CADPS: variants seen among roughly 807,000 people sequenced by gnomAD.
The protein encoded by CADPS is calcium-dependent secretion activator 1.
A neutral mutation model predicts 167.3 loss-of-function variants in CADPS; 57 were observed. The observed-to-expected ratio is 0.34, with a 90% confidence interval of 0.28 to 0.42. The LOEUF is 0.42. Ranked by LOEUF, CADPS falls within the 20% of genes least tolerant of loss-of-function variation. CADPS has a pLI of 1.00. For synonymous variants in CADPS, 676 were observed against 635.3 expected (o/e 1.06, Z -0.96); for missense variants, 1,414 against 1,738.1 (o/e 0.81, Z 3.32).
intron 17 of CADPS, chr3:62,500,349 T>C (rs1339288416): frequency 6.6e-6 from 1 of 152,068 alleles, no homozygotes; most frequent in Non-Finnish European, 1.5e-5. Flanking sequence ...AGAGACAGAG[T>C]TTCACCTTGC....
Position 62,744,481 on chromosome 3 carries a change from G to A in CADPS, c.888+8960C>T, listed in dbSNP as rs535545257. Among the ~76,000 whole-genome samples, 185 of 152,270 alleles carry A rather than the reference G, an allele frequency of 1.2e-3. 1 individual carries two copies. The highest frequency in any genetic ancestry group is 4.3e-3 in the African/African-American group (179 of 41,568). ...CACTGAGGAAACAAAAAGGCTGCAT[G>A]TTGGAAGAAGAAAAATTCAAATTAT... On this transcript the variant is annotated intron_variant, in intron 3 of 29. Transcript: ENST00000383710.
At chr3:62,476,301 T>C (rs2061320981) in intron 23 of CADPS, among the ~76,000 whole-genome samples, 1 of 152,194 alleles carries the variant, frequency 6.6e-6, no homozygotes, top group South Asian at 2.1e-4. Flanking sequence ...GCTCTTCTAA[T>C]GTAGATTCTA....
At chr3:62,825,250 T>C (rs930542750) in intron 1 of CADPS, among the ~76,000 whole-genome samples, 60 of 152,260 alleles carry the variant, frequency 3.9e-4, no homozygotes, top group African/African-American at 1.4e-3. Context: ...CTAGCTTCCC[T>C]TGGGTGAATA....
intron 4 of CADPS, among the ~76,000 whole-genome samples, chr3:62,658,979 C>T (rs1342098004): frequency 6.6e-6 from 1 of 152,152 alleles, no homozygotes; most frequent in African/African-American, 2.4e-5. Context: ...TGGGTTCTGG[C>T]TGCAGTTTCT....
chr3:62,557,125 A>ATG (rs2078303836), intron 10 of CADPS, among the ~76,000 whole-genome samples: 1 of 151,508 alleles, frequency 6.6e-6, no homozygotes, highest in South Asian at 2.1e-4. Flanking sequence ...TCCATATTTG[A>ATG]TGTGGATACA....
At chr3:62,531,630 A>G (rs2073719246) in intron 13 of CADPS, among the ~76,000 whole-genome samples, 1 of 152,210 alleles carries the variant, frequency 6.6e-6, no homozygotes, top group South Asian at 2.1e-4. Context: ...GGATTCTCCC[A>G]CATGTGGATT....
intron 3 of CADPS, among the ~76,000 whole-genome samples, chr3:62,726,832 CAG>C (rs2076835173): frequency 6.6e-6 from 1 of 151,892 alleles, no homozygotes; most frequent in Non-Finnish European, 1.5e-5. Flanking sequence ...CTTTCCACAA[CAG>C]AGTCAAGTTC....
intron 28 of CADPS, among the ~76,000 whole-genome samples, chr3:62,434,103 T>C (rs1423718476): frequency 6.6e-6 from 1 of 150,936 alleles, no homozygotes; most frequent in African/African-American, 2.5e-5. Context: ...AGTCTGATCT[T>C]CTTTTAAAAA....
intron 6 of CADPS, among the ~76,000 whole-genome samples, chr3:62,636,919 A>G (rs1166767038): frequency 6.6e-6 from 1 of 152,110 alleles, no homozygotes; most frequent in African/African-American, 2.4e-5. Context: ...ACTCCCTTCT[A>G]CTTTGGCACC....
Position 62,721,571 on chromosome 3 carries a change from T to C in CADPS, c.888+31870A>G, listed in dbSNP as rs146116627. 2.5e-3 allele frequency among the ~76,000 whole-genome samples: 380 copies of C among 152,222 alleles called. 1 individual carries two copies. The highest frequency in any genetic ancestry group is 8.8e-3 in the African/African-American group (364 of 41,524). ...TGTGACGCTTCCTGAAACAGACAAC[T>C]TCCAGACTATTCTGCTGCTTTACAA... On this transcript the variant is annotated intron_variant, in intron 3 of 29. Coordinates refer to ENST00000383710, the MANE Select transcript of CADPS (RefSeq NM_003716.4).
intron 26 of CADPS, among the ~76,000 whole-genome samples, chr3:62,457,769 G>A (rs938430765): frequency 6.6e-6 from 1 of 152,186 alleles, no homozygotes; most frequent in Non-Finnish European, 1.5e-5. Flanking sequence ...AAAAGGATGA[G>A]TTCATGTCCT....
At chr3:62,409,091 C>A (rs780408052) in intron 28 of CADPS, among the ~76,000 whole-genome samples, 1 of 152,184 alleles carries the variant, frequency 6.6e-6, no homozygotes, top group Non-Finnish European at 1.5e-5. Flanking sequence ...TTGACTTGAA[C>A]TCAAGATGTT....
intron 8 of CADPS, among the ~76,000 whole-genome samples, chr3:62,577,025 C>A (rs1203234767): frequency 1.3e-5 from 2 of 151,798 alleles, no homozygotes; most frequent in East Asian, 3.9e-4. Flanking sequence ...TATGAGAGAC[C>A]AGAGTGAGCG....
At chr3:62,534,750 T>C (rs564070929) in intron 12 of CADPS, among the ~76,000 whole-genome samples, 13 of 152,180 alleles carry the variant, frequency 8.5e-5, no homozygotes, top group Non-Finnish European at 1.6e-4. Flanking sequence ...AAATGGAATA[T>C]ACAGAGGCAG....
intron 3 of CADPS, among the ~76,000 whole-genome samples, chr3:62,683,510 A>G (rs940588394): frequency 2.0e-5 from 3 of 152,076 alleles, no homozygotes; most frequent in Non-Finnish European, 2.9e-5. Context: ...GATAGTACAG[A>G]ATGTTCCTGT....
chr3:62,573,264 T>C (rs1024169135), intron 8 of CADPS, among the ~76,000 whole-genome samples: 37 of 152,212 alleles, frequency 2.4e-4, no homozygotes, highest in African/African-American at 8.2e-4. Flanking sequence ...TGCTCTACTG[T>C]ATTATTTTTT....
chr3:62,466,266 A>T, intron 25 of CADPS, 73 bp downstream of exon 25: 1 of 1,042,806 alleles, frequency 9.6e-7, no homozygotes, highest in Non-Finnish European at 1.5e-6. Context: ...TTAATGTGTT[A>T]CATTTTAATG....
In CADPS at chr3:62,448,382, C is replaced by A. The variant is rs114284445; in HGVS notation, c.3637-2585G>T. On this transcript the variant is annotated intron_variant, in intron 26 of 29. Transcript: ENST00000383710. ...ACACCAAATTCTATTCCTTTACAGG[C>A]AGTTTGGGAAGATGAGGCAAGTTTC... is the stretch of plus-strand genomic sequence containing the variant. Among the ~76,000 whole-genome samples, 1,005 of 152,222 alleles carry A rather than the reference C, an allele frequency of 6.6e-3. 17 individuals carry two copies. Among genetic ancestry groups the A allele is most frequent in the African/African-American group, 0.022 (918 of 41,514 alleles).
intron 12 of CADPS, among the ~76,000 whole-genome samples, chr3:62,534,394 C>T (rs974456970): frequency 5.9e-5 from 9 of 152,224 alleles, no homozygotes; most frequent in African/African-American, 2.2e-4. Flanking sequence ...CAACATGCAG[C>T]TCAGTGATGC....
Sources: gnomAD v4.1 joint callset for allele counts (sites outside exome capture counted in the v4.1 genomes callset) on GRCh38, gnomAD v4.1.1 for gene constraint, MANE v1.5 for transcripts, NCBI Gene and HGNC (gene_info 2026-07-23, HGNC 2026-07-21) for gene names.